Variants in SRGAP3 observed in about 807,000 individuals in gnomAD.
The protein encoded by SRGAP3 is SLIT-ROBO Rho GTPase-activating protein 3.
In SRGAP3, 39 loss-of-function variants were observed where a neutral mutation model predicts 121.1. That is an observed-to-expected ratio of 0.32 (90% confidence interval 0.25 to 0.42). SRGAP3 has a LOEUF of 0.42. SRGAP3 is among the 10% of genes least tolerant of loss of function. The pLI is 1.00. For missense variants in SRGAP3, 1,213 were observed against 1,470.6 expected, an observed-to-expected ratio of 0.82 and a Z score of 2.86; for synonymous variants, 601 against 570.0, an observed-to-expected ratio of 1.05 and a Z score of -0.77.
intron 1 of SRGAP3, among the ~76,000 whole-genome samples, chr3:9,147,994 T>G (rs1950081411): frequency 6.6e-6 from 1 of 152,180 alleles, no homozygotes; most frequent in South Asian, 2.1e-4. Context: ...CGCCTGAGAT[T>G]GTCTCCAGAG....
intron 3 of SRGAP3, among the ~76,000 whole-genome samples, chr3:9,091,107 C>T (rs1375961876): frequency 2.6e-5 from 4 of 152,052 alleles, no homozygotes; most frequent in Non-Finnish European, 5.9e-5. Flanking sequence ...CACACACATA[C>T]GCCCTTTCAT....
intron 10 of SRGAP3, among the ~76,000 whole-genome samples, chr3:9,043,193 G>A (rs554234953): frequency 9.2e-5 from 14 of 152,082 alleles, no homozygotes; most frequent in East Asian, 7.7e-4. Context: ...TTGCTCTGTC[G>A]CCCAGGCTGG....
rs898690712 is a variant in SRGAP3 at position 9,344,391 on chromosome 3, G to A, written n.215-13795C>T. ...AATCGCTTGAACCTGGGAGGCAGAGGTTGCAATGAGCTGAGATCGTGCCAC... is the reference window on the plus strand; with the variant it reads ...AATCGCTTGAACCTGGGAGGCAGAGATTGCAATGAGCTGAGATCGTGCCAC... On this transcript the variant is annotated intron_variant and non_coding_transcript_variant, in intron 1 of 3. Transcript: ENST00000490889. Among the ~76,000 whole-genome samples the A allele has an allele frequency of 5.3e-5, 8 of 152,162 alleles. 1 individual carries two copies. Among genetic ancestry groups the A allele is most frequent in the African/African-American group, 1.9e-4 (8 of 41,424 alleles).
At chr3:9,152,774 T>A (rs113254908) in intron 1 of SRGAP3, among the ~76,000 whole-genome samples, 15 of 152,316 alleles carry the variant, frequency 9.8e-5, no homozygotes, top group African/African-American at 3.6e-4. Flanking sequence ...CTGGGACAGG[T>A]ACTAGAAGAC....
At chr3:9,155,335 T>G (rs1950381250) in intron 1 of SRGAP3, among the ~76,000 whole-genome samples, 1 of 152,224 alleles carries the variant, frequency 6.6e-6, no homozygotes, top group South Asian at 2.1e-4. Flanking sequence ...AGTCTCTCTT[T>G]GGAGGTTTGC....
chr3:9,284,874 C>T (rs1182017050), intron 3 of SRGAP3, among the ~76,000 whole-genome samples: 8 of 150,882 alleles, frequency 5.3e-5, no homozygotes, highest in Admixed American at 4.6e-4. Flanking sequence ...TTGAGGACCT[C>T]GACAGGACCT....
Position 9,013,535 on chromosome 3 carries a change from G to A in SRGAP3, c.1920C>T (p.His640=), listed in dbSNP as rs1345730193. 1.2e-6 allele frequency: 2 copies of A among 1,613,924 alleles called. No individual in the cohort carries two copies. Among genetic ancestry groups the A allele is most frequent in the Non-Finnish European group, 1.7e-6 (2 of 1,179,994 alleles). Residue 640 remains histidine, a splice_region_variant and synonymous_variant, in exon 17 of 22, where the codon CAC becomes CAT. Coordinates refer to ENST00000383836, the MANE Select transcript of SRGAP3 (RefSeq NM_014850.4). ...VMRYLFAFLN[H]LSQYSDENMM... is the part of the protein sequence containing the mutation. ...TGTTCTCGTCGCTATACTGGGAGAG[G>A]CTAGGAGAGAGGAGTTACCCACAAG...
At chr3:9,080,149 C>T in intron 3 of SRGAP3, 62 bp from the exon 4 acceptor site, 1 of 1,577,524 alleles carries the variant, frequency 6.3e-7, no homozygotes, top group African/African-American at 1.3e-5. Flanking sequence ...TTACCAATCT[C>T]TTTTCAAAAG....
intron 1 of SRGAP3, among the ~76,000 whole-genome samples, chr3:9,149,069 C>A (rs1358928201): frequency 6.6e-6 from 1 of 151,938 alleles, no homozygotes; most frequent in Non-Finnish European, 1.5e-5. Context: ...AAAAAATTAG[C>A]CGAGCGTGGT....
chr3:9,062,271 G>A (rs1404473801), intron 5 of SRGAP3, among the ~76,000 whole-genome samples: 2 of 152,248 alleles, frequency 1.3e-5, no homozygotes, highest in East Asian at 3.9e-4. Context: ...GAAGTGGCTT[G>A]CCCAAGAGCC....
At chr3:9,300,007 C>A (rs2125274121) in intron 3 of SRGAP3, among the ~76,000 whole-genome samples, 1 of 151,552 alleles carries the variant, frequency 6.6e-6, no homozygotes, top group Non-Finnish European at 1.5e-5. Flanking sequence ...CATCTCTCTG[C>A]AACATTTTTC....
intron 18 of SRGAP3, among the ~76,000 whole-genome samples, chr3:9,001,041 C>T (rs1174483048): frequency 6.6e-6 from 1 of 152,068 alleles, no homozygotes. Context: ...AAAAATAACT[C>T]AAAAATAGTA....
At chr3:9,212,073 T>TGTATAG (rs1952466304) in intron 1 of SRGAP3, among the ~76,000 whole-genome samples, 1 of 151,972 alleles carries the variant, frequency 6.6e-6, no homozygotes, top group South Asian at 2.1e-4. Context: ...TATAGAAAAC[T>TGTATAG]AGGTATACAG....
chr3:9,040,119 T>C (rs927629903), intron 10 of SRGAP3, among the ~76,000 whole-genome samples: 1 of 152,228 alleles, frequency 6.6e-6, no homozygotes. Flanking sequence ...GCCATGCTTG[T>C]CTCTTACCTG....
chr3:9,043,439 C>T (rs667714), intron 10 of SRGAP3, among the ~76,000 whole-genome samples: 49,461 of 151,988 alleles, frequency 0.33, 8,119 homozygotes, highest in South Asian at 0.41. Context: ...AAAATGCCTG[C>T]GCTCTTGGAT....
rs180724569 is a variant in SRGAP3 at position 8,981,375 on chromosome 3, G to A, written c.*4144C>T. On this transcript the variant is annotated 3_prime_UTR_variant, in exon 22 of 22. Transcript: ENST00000383836. ...CCCAGCAGGGGCTAACCCCATGGTT[G>A]TGAGCCAGCCACTCTTCTTTCTGGG... 1.7e-3 allele frequency: 405 copies of A among 232,772 alleles called. No individual in the cohort carries two copies. Among genetic ancestry groups the A allele is most frequent in the Middle Eastern group, 3.8e-3 (3 of 784 alleles). 14.4% of individuals were successfully genotyped at this position (232,772 alleles called of 1,614,324 possible).
chr3:9,043,943 A>C (rs189414746), intron 10 of SRGAP3, among the ~76,000 whole-genome samples: 1 of 152,324 alleles, frequency 6.6e-6, no homozygotes, highest in Non-Finnish European at 1.5e-5. Flanking sequence ...TAAAAAGGTT[A>C]TAAGTCTAAG....
chr3:9,012,877 T>G (rs1381421141), intron 17 of SRGAP3, among the ~76,000 whole-genome samples: 1 of 151,722 alleles, frequency 6.6e-6, no homozygotes, highest in Non-Finnish European at 1.5e-5. Flanking sequence ...GCTAAGAGAG[T>G]GAGTTACAGA....
In SRGAP3 at chr3:9,308,961, T is replaced by A. The variant is rs540435387; in HGVS notation, n.442+17049A>T. Among the ~76,000 whole-genome samples, 12 of 152,294 alleles carry A rather than the reference T, an allele frequency of 7.9e-5. No homozygotes were observed. In the South Asian group the frequency reaches 2.5e-3, roughly 32 times the overall value. On this transcript the variant is annotated intron_variant and non_coding_transcript_variant, in intron 3 of 3. Coordinates refer to the SRGAP3 transcript ENST00000490889. Reference sequence around the variant, plus strand: ...TGAACCAGGCATCCTGATATTCACATCCTCATATGTCGTTCTCTCCCACAC... The same window carrying A: ...TGAACCAGGCATCCTGATATTCACAACCTCATATGTCGTTCTCTCCCACAC...
Sources: gnomAD v4.1 joint callset for allele counts (sites outside exome capture counted in the v4.1 genomes callset) on GRCh38, gnomAD v4.1.1 for gene constraint, MANE v1.5 for transcripts, NCBI Gene and HGNC (gene_info 2026-07-23, HGNC 2026-07-21) for gene names.